The following MDN1 variants were observed in gnomAD, a reference collection of about 807,000 sequenced individuals.
MDN1 encodes the protein midasin.
Under a neutral mutation model 669.2 loss-of-function variants are expected in MDN1, and 266 were observed. The ratio of observed to expected loss-of-function variants is 0.40; its 90% CI spans 0.36 to 0.44. The LOEUF is 0.44. MDN1 is among the 20% of genes least tolerant of loss of function. The pLI is 1.00. For missense variants in MDN1, 5,940 were observed against 6,754.0 expected, an observed-to-expected ratio of 0.88 and a Z score of 4.22; for synonymous variants, 2,385 against 2,457.1, an observed-to-expected ratio of 0.97 and a Z score of 0.87.
chr6:89,699,997 A>G, intron 57 of MDN1, 66 bp downstream of exon 57: 1 of 1,430,578 alleles, frequency 7.0e-7, no homozygotes. Context: ...GTTTATGGGT[A>G]TAGGATACAC....
intron 2 of MDN1, among the ~76,000 whole-genome samples, chr6:89,796,351 C>A (rs200716806): frequency 0.042 from 2,847 of 68,332 alleles, 3 homozygotes; most frequent in Middle Eastern, 0.082. Context: ...AAAAAAAAAA[C>A]AAAAAAAAAA....
chr6:89,752,117 A>C (rs1816985930), intron 22 of MDN1, among the ~76,000 whole-genome samples: 1 of 152,210 alleles, frequency 6.6e-6, no homozygotes, highest in African/African-American at 2.4e-5. Context: ...CATTTTTATA[A>C]GTAAAAAAAT....
At chr6:89,700,915 A>G (rs1304604675) in intron 55 of MDN1, 59 bp from the exon 56 acceptor site, 2 of 1,364,440 alleles carry the variant, frequency 1.5e-6, no homozygotes, top group Non-Finnish European at 1.0e-6. Context: ...TTTCTTTAGT[A>G]GCCTATACAG....
intron 97 of MDN1, 23 bp downstream of exon 97, chr6:89,650,001 G>C (rs1404469009): frequency 6.2e-7 from 1 of 1,612,140 alleles, no homozygotes; most frequent in African/African-American, 1.3e-5. Flanking sequence ...CTATCAAACT[G>C]CCACTGCATT....
chr6:89,741,408 C>T (rs1412909857), intron 31 of MDN1, among the ~76,000 whole-genome samples: 4 of 152,220 alleles, frequency 2.6e-5, no homozygotes, highest in Admixed American at 6.5e-5. Context: ...CTTGTTCATT[C>T]CTGGGTATAG....
chr6:89,740,824 A>G (rs759811476), intron 31 of MDN1, among the ~76,000 whole-genome samples: 3 of 152,262 alleles, frequency 2.0e-5, no homozygotes, highest in Non-Finnish European at 4.4e-5. Context: ...GTAAGAGAAG[A>G]GAACTTTTAT....
rs749530875 is a variant in MDN1, at chr6:89,730,934, G to A, written c.4943-11C>T. On this transcript the variant is annotated splice_polypyrimidine_tract_variant and intron_variant, in intron 34 of 101. Transcript: ENST00000369393. ...CAGAGGAAGTTACCCCTAAAAGACA[G>A]AGGATCAGTCCATGAAGCAACAGTA... The A allele has an allele frequency of 1.5e-5, 24 of 1,612,502 alleles. No homozygotes were observed. In the East Asian group the frequency reaches 2.5e-4, roughly 16 times the overall value.
intron 92 of MDN1, 56 bp downstream of exon 92, chr6:89,655,708 A>C (rs1372022347): frequency 1.3e-5 from 18 of 1,435,632 alleles, no homozygotes; most frequent in Non-Finnish European, 1.6e-5. Flanking sequence ...GTCACATAGC[A>C]CAAGCTCTCA....
chr6:89,729,277 C>T, intron 35 of MDN1, 138 bp from the exon 36 acceptor site: 1 of 685,932 alleles, frequency 1.5e-6, no homozygotes, highest in Admixed American at 2.9e-5. Flanking sequence ...TGTTCAATCC[C>T]TATTTCAATA....
chr6:89,797,372 CA>C (rs36015348), intron 2 of MDN1, among the ~76,000 whole-genome samples: 166 of 97,722 alleles, frequency 1.7e-3, no homozygotes, highest in African/African-American at 3.8e-3. Flanking sequence ...GACTCCATCT[CA>C]AAAAAAAAAA....
At chr6:89,732,947 A>T (rs943780654) in intron 33 of MDN1, among the ~76,000 whole-genome samples, 172 bp from the exon 34 acceptor site, 1 of 152,206 alleles carries the variant, frequency 6.6e-6, no homozygotes, top group Non-Finnish European at 1.5e-5. Flanking sequence ...TGCAGCTTTG[A>T]TCAAATTCTG....
At chr6:89,790,042 C>T in intron 6 of MDN1, 117 bp downstream of exon 6, 1 of 1,585,296 alleles carries the variant, frequency 6.3e-7, no homozygotes, top group Non-Finnish European at 8.6e-7. Flanking sequence ...ATAGGTTGGC[C>T]CCAACAGTTA....
chr6:89,692,943 G>C lies in MDN1; in HGVS notation c.10087C>G (p.Gln3363Glu), dbSNP rs1584203464. 2 of 1,614,166 alleles carry C rather than the reference G, an allele frequency of 1.2e-6. No individual in the cohort carries two copies. The highest frequency in any genetic ancestry group is 1.7e-5 in the Admixed American group (1 of 60,020). Residue 3363 changes from glutamine (Q) to glutamate (E), a missense_variant, in exon 63 of 102, where the codon CAA (glutamine) becomes GAA (glutamate). Gln to Glu is a conservative substitution (Grantham distance 29, BLOSUM62 2). Around this residue, in one of 5 missense-constraint regions of MDN1, gnomAD observed 150 missense variants for 234.2 expected, o/e 0.64. Coordinates refer to ENST00000369393, the MANE Select transcript of MDN1 (RefSeq NM_014611.3). ...TCCTTTAGAAGGCTCTGGGCTACTT[G>C]GGCAGACCGTGGCCCATCTATGTGG... ...ALHIDGPRSA[Q>E]VAQSLLKEEA... is the part of the protein sequence containing the mutation.
chr6:89,673,718 A>G (rs1453723770), intron 79 of MDN1, among the ~76,000 whole-genome samples: 1 of 149,740 alleles, frequency 6.7e-6, no homozygotes, highest in African/African-American at 2.6e-5. Context: ...TATTCCATTA[A>G]TGATAAATTT....
intron 71 of MDN1, among the ~76,000 whole-genome samples, chr6:89,684,390 T>TTA (rs1240343487): frequency 6.8e-5 from 9 of 133,080 alleles, no homozygotes; most frequent in Admixed American, 1.5e-4. Flanking sequence ...CAAAGTGATT[T>TTA]AAAAAAAAAA....
At chr6:89,814,804 G>T in intron 1 of MDN1, 1 of 460,098 alleles carries the variant, frequency 2.2e-6, no homozygotes. Context: ...CCAGGGCCCT[G>T]GGTTCTCTGT....
In MDN1 at chr6:89,722,939, C is replaced by A; in HGVS notation, c.5967+16G>T. 1 of 1,595,282 alleles carries A rather than the reference C, an allele frequency of 6.3e-7. No homozygotes were observed. The highest frequency in any genetic ancestry group is 8.6e-7 in the Non-Finnish European group (1 of 1,169,230). ...TTCAGATGGAAAGAAATACAAATAC[C>A]AAGCGTGAAACTCACCTTTTTTTTG... On this transcript the variant is annotated intron_variant, in intron 40 of 101. Transcript: ENST00000369393.
At chr6:89,816,407 G>A (rs1562249278) in intron 1 of MDN1, among the ~76,000 whole-genome samples, 2 of 132,502 alleles carry the variant, frequency 1.5e-5, no homozygotes, top group African/African-American at 2.9e-5. Flanking sequence ...CTCCGTCTAG[G>A]GGCGGGGGTG....
chr6:89,817,424 A>G (rs1394399522), intron 1 of MDN1, among the ~76,000 whole-genome samples: 1 of 152,190 alleles, frequency 6.6e-6, no homozygotes, highest in Non-Finnish European at 1.5e-5. Flanking sequence ...CAGCTACACA[A>G]TCCCCTTCTC....
Sources: allele counts gnomAD v4.1 joint callset (sites outside exome capture counted in the v4.1 genomes callset), GRCh38; gene constraint gnomAD v4.1.1; regional missense constraint gnomAD v4.1.1; transcripts MANE v1.5; gene names NCBI Gene and HGNC (gene_info 2026-07-23, HGNC 2026-07-21).